Variants in FAM118B observed in about 807,000 individuals in gnomAD.
The protein encoded by FAM118B is protein FAM118B.
A neutral mutation model predicts 38.5 loss-of-function variants in FAM118B; 24 were observed. The observed-to-expected ratio is 0.62, with a 90% confidence interval of 0.45 to 0.88. The LOEUF is 0.88. Ranked by LOEUF, FAM118B falls within the 40% of genes least tolerant of loss-of-function variation. The pLI, the probability that FAM118B is intolerant of heterozygous loss-of-function variation, is 0.00. For synonymous variants in FAM118B, 138 were observed against 156.3 expected, an observed-to-expected ratio of 0.88 and a Z score of 0.87; for missense variants, 334 against 420.0, an observed-to-expected ratio of 0.80 and a Z score of 1.79.
intron 5 of FAM118B, among the ~76,000 whole-genome samples, chr11:126,251,698 G>A (rs916065949): frequency 1.4e-5 from 2 of 146,928 alleles, no homozygotes; most frequent in Non-Finnish European, 3.0e-5. Flanking sequence ...TCTCTTGTCC[G>A]TTTCCTTTGT....
chr11:126,217,345 C>G lies in FAM118B; in HGVS notation c.-77+5515C>G, dbSNP rs147450220. Among the ~76,000 whole-genome samples the G allele has an allele frequency of 3.3e-3, 499 of 152,250 alleles. 2 individuals carry two copies. The highest frequency in any genetic ancestry group is 0.012 in the African/African-American group (478 of 41,544). On this transcript the variant is annotated intron_variant, in intron 1 of 8. Coordinates refer to ENST00000533050, the MANE Select transcript of FAM118B (RefSeq NM_024556.4). ...TTTAGCTCTTGCATCCCACCACTTT[C>G]CTATTTTTCCATGCCCTCTATCCCC...
rs768583095 is a variant in FAM118B, at chr11:126,252,134, C to G, written c.567+1401C>G. On this transcript the variant is annotated intron_variant, in intron 5 of 8. Coordinates refer to ENST00000533050, the MANE Select transcript of FAM118B (RefSeq NM_024556.4). The surrounding 1 kb of genome is among the most constrained non-coding windows in gnomAD (Gnocchi z 4.7). The stretch of plus-strand genomic sequence containing the variant: ...CCCGAATAGCTGGGATTACAGGCAC[C>G]CGCCATCACGTCTGGCTAATTTTTG... 2.0e-5 allele frequency among the ~76,000 whole-genome samples: 3 copies of G among 151,880 alleles called. No individual in the cohort carries two copies. The highest frequency in any genetic ancestry group is 4.4e-5 in the Non-Finnish European group (3 of 67,992).
intron 1 of FAM118B, among the ~76,000 whole-genome samples, chr11:126,215,048 G>A (rs565894894): frequency 1.3e-5 from 2 of 152,288 alleles, no homozygotes; most frequent in East Asian, 3.9e-4. Flanking sequence ...ATTAAAGGAG[G>A]CAATTAGCAG....
intron 1 of FAM118B, among the ~76,000 whole-genome samples, chr11:126,223,233 G>C (rs961134260): frequency 1.3e-5 from 2 of 152,138 alleles, no homozygotes; most frequent in Non-Finnish European, 2.9e-5. Flanking sequence ...CCACGATGAG[G>C]AGTATGTTAT....
chr11:126,215,003 G>A (rs1949960356), intron 1 of FAM118B, among the ~76,000 whole-genome samples: 1 of 152,180 alleles, frequency 6.6e-6, no homozygotes, highest in Admixed American at 6.5e-5. Flanking sequence ...TGAAGAGCAG[G>A]AAGTACTTGG....
intron 3 of FAM118B, among the ~76,000 whole-genome samples, chr11:126,238,294 A>C (rs550187468): frequency 9.3e-4 from 141 of 152,172 alleles, no homozygotes; most frequent in Middle Eastern, 6.8e-3. Flanking sequence ...CCCAGGAGGC[A>C]GAGGTTGCAG....
chr11:126,234,605 T>G (rs564983380), intron 2 of FAM118B, among the ~76,000 whole-genome samples: 1 of 152,342 alleles, frequency 6.6e-6, no homozygotes, highest in East Asian at 1.9e-4. Context: ...TACACTTATC[T>G]ATGGGTGGTT....
intron 1 of FAM118B, among the ~76,000 whole-genome samples, chr11:126,225,041 C>T (rs1341822815): frequency 6.6e-6 from 1 of 152,182 alleles, no homozygotes; most frequent in Non-Finnish European, 1.5e-5. Flanking sequence ...GAATAAGAAA[C>T]TGAAGACTTT....
intron 7 of FAM118B, among the ~76,000 whole-genome samples, chr11:126,259,500 A>G (rs995692069): frequency 7.0e-6 from 1 of 143,478 alleles, no homozygotes; most frequent in African/African-American, 2.6e-5. Context: ...ATCTCGGCTC[A>G]CTGCAACCCC....
intron 4 of FAM118B, among the ~76,000 whole-genome samples, chr11:126,245,967 GC>G (rs1313147248): frequency 6.6e-6 from 1 of 150,476 alleles, no homozygotes; most frequent in Non-Finnish European, 1.5e-5. Flanking sequence ...TTGCACTCCA[GC>G]CTGGGCAACA....
intron 5 of FAM118B, among the ~76,000 whole-genome samples, chr11:126,251,745 T>C (rs1950507041): frequency 6.6e-6 from 1 of 151,998 alleles, no homozygotes; most frequent in Non-Finnish European, 1.5e-5. Flanking sequence ...TTTTTTTTTT[T>C]TTTGAGAGAC....
chr11:126,240,061 A>G (rs1364974659), intron 3 of FAM118B, among the ~76,000 whole-genome samples: 1 of 152,166 alleles, frequency 6.6e-6, no homozygotes, highest in Non-Finnish European at 1.5e-5. Flanking sequence ...TCAAGCAGGG[A>G]TAGTCTCCAG....
At chr11:126,222,373 T>A (rs979610516) in intron 1 of FAM118B, among the ~76,000 whole-genome samples, 9 of 152,246 alleles carry the variant, frequency 5.9e-5, no homozygotes, top group Non-Finnish European at 7.3e-5. Context: ...TAACCTGTGA[T>A]GAATTCAGTT....
chr11:126,237,294 C>T (rs1311617670), intron 3 of FAM118B, among the ~76,000 whole-genome samples: 1 of 136,374 alleles, frequency 7.3e-6, no homozygotes, highest in Non-Finnish European at 1.5e-5. Context: ...AATCTCAGCT[C>T]ACTGCAACCT....
chr11:126,259,746 A>C (rs192292628), intron 7 of FAM118B, among the ~76,000 whole-genome samples: 26 of 137,876 alleles, frequency 1.9e-4, no homozygotes, highest in African/African-American at 7.0e-4. Flanking sequence ...TTTGAGATGG[A>C]GTTTCTCTCT....
At position 126,255,061 on chromosome 11, in the gene FAM118B, C is replaced by T. The variant is rs1950556211; in HGVS notation, c.696+628C>T. Among the ~76,000 whole-genome samples the T allele has an allele frequency of 6.6e-6, 1 of 152,154 alleles. No individual in the cohort carries two copies. Among genetic ancestry groups the T allele is most frequent in the Non-Finnish European group, 1.5e-5 (1 of 68,020 alleles). ...GGTTTATTAATAGCCCTCTCTGTGT[C>T]AGAAATAATTGAGGCAGCTTCTTAA... On this transcript the variant is annotated intron_variant, in intron 6 of 8. Transcript: ENST00000533050. This position sits in a 1 kb window ranked among gnomAD's most constrained non-coding sequence, Gnocchi z 4.6.
At chr11:126,249,216 C>T (rs1447620288) in intron 4 of FAM118B, among the ~76,000 whole-genome samples, 3 of 152,098 alleles carry the variant, frequency 2.0e-5, no homozygotes, top group African/African-American at 7.2e-5. Flanking sequence ...ATCTGCAAAA[C>T]AAGACATTGG....
Position 126,229,215 on chromosome 11 carries a change from T to G in FAM118B, c.-76-10T>G, listed in dbSNP as rs1328873697. 1 of 152,192 alleles carries G rather than the reference T, an allele frequency of 6.6e-6. No homozygotes were observed. The highest frequency in any genetic ancestry group is 6.5e-5 in the Admixed American group (1 of 15,274). The allele number at this position is 152,192 out of a possible 1,614,324, so 9.4% of individuals were successfully genotyped here. ...TCTCCTTACTTAGCAACATGTGTCA[T>G]TATTTTCAGGATATACCTTCTCAGA... On this transcript the variant is annotated splice_polypyrimidine_tract_variant and intron_variant, in intron 1 of 8. Coordinates refer to ENST00000533050, the MANE Select transcript of FAM118B (RefSeq NM_024556.4).
At chr11:126,227,307 C>G (rs956155544) in intron 1 of FAM118B, among the ~76,000 whole-genome samples, 5 of 152,106 alleles carry the variant, frequency 3.3e-5, no homozygotes, top group Non-Finnish European at 7.4e-5. Context: ...AGATGATCCA[C>G]CTGCTTGGCC....
Sources: gnomAD v4.1 joint callset for allele counts (sites outside exome capture counted in the v4.1 genomes callset) on GRCh38, gnomAD v4.1.1 for gene constraint, Gnocchi (gnomAD v3.1) non-coding constraint, MANE v1.5 for transcripts, NCBI Gene and HGNC (gene_info 2026-07-23, HGNC 2026-07-21) for gene names.